The following SNRNP200 variants were observed in gnomAD, a reference collection of about 807,000 sequenced individuals.
SNRNP200 encodes small nuclear ribonucleoprotein U5 subunit 200.
A neutral mutation model predicts 255.2 loss-of-function variants in SNRNP200; 66 were observed. The observed-to-expected ratio is 0.26, with a 90% confidence interval of 0.21 to 0.32. The LOEUF (loss-of-function observed/expected upper bound fraction) is 0.32. Ranked by LOEUF, SNRNP200 falls within the 10% of genes least tolerant of loss-of-function variation. The pLI, the probability that SNRNP200 is intolerant of heterozygous loss-of-function variation, is 1.00. For synonymous variants in SNRNP200, 939 were observed against 1,027.8 expected (o/e 0.91, Z 1.65); for missense variants, 1,585 against 2,749.8 (o/e 0.58, Z 9.47).
chr2:96,296,923 T>C lies in SNRNP200; in HGVS notation c.1515+10A>G. On this transcript the variant is annotated intron_variant, in intron 12 of 44. Coordinates refer to ENST00000323853, the MANE Select transcript of SNRNP200 (RefSeq NM_014014.5). The stretch of plus-strand genomic sequence containing the variant: ...TTCTACAAGAAAACAGCAGGCAGGG[T>C]GGCGCTTACAGTAGGAGCACACAGC... 1.9e-6 allele frequency: 3 copies of C among 1,614,100 alleles called. No individual in the cohort carries two copies. Among genetic ancestry groups the C allele is most frequent in the Middle Eastern group, 1.6e-4 (1 of 6,062 alleles).
At chr2:96,296,280 C>G (rs923945767) in intron 13 of SNRNP200, among the ~76,000 whole-genome samples, 1 of 152,166 alleles carries the variant, frequency 6.6e-6, no homozygotes, top group African/African-American at 2.4e-5. Context: ...ATACGAACTG[C>G]AGAAAATTGC....
rs1360881593 is a variant in SNRNP200, at chr2:96,284,448, T to C, written c.4302A>G (p.Ile1434Met). Residue 1434 changes from isoleucine (I) to methionine (M), a missense_variant, in exon 31 of 45, where the codon ATA (isoleucine) becomes ATG (methionine). Physicochemically the swap from Ile to Met is conservative, Grantham distance 10. Coordinates refer to ENST00000323853, the MANE Select transcript of SNRNP200 (RefSeq NM_014014.5). ...TGCGCTGCTTCCATCGCCGGGAAAGTATGTCCCACTTCTCAGGGGTGCTGA... is the reference window on the plus strand; with the variant it reads ...TGCGCTGCTTCCATCGCCGGGAAAGCATGTCCCACTTCTCAGGGGTGCTGA... Reference protein sequence around the residue: ...IIISTPEKWDILSRRWKQRKN... With the variant: ...IIISTPEKWDMLSRRWKQRKN... 6.2e-7 allele frequency: 1 copy of C among 1,614,174 alleles called. No homozygotes were observed. Among genetic ancestry groups the C allele is most frequent in the South Asian group, 1.1e-5 (1 of 91,080 alleles).
chr2:96,300,455 G>C (rs62153041), intron 5 of SNRNP200, among the ~76,000 whole-genome samples: 41,219 of 152,028 alleles, frequency 0.27, 6,814 homozygotes, highest in South Asian at 0.67. Context: ...GATCCACTTG[G>C]TATATTTTAA....
intron 1 of SNRNP200, 105 bp downstream of exon 1, chr2:96,305,287 GT>G: frequency 7.0e-7 from 1 of 1,435,634 alleles, no homozygotes; most frequent in African/African-American, 1.4e-5. Flanking sequence ...TTTCCCCTTC[GT>G]TTTCGTGGCT....
rs75994060 is a variant in SNRNP200, at chr2:96,280,081, T to C, written c.5025-522A>G. Among the ~76,000 whole-genome samples the C allele has an allele frequency of 1.4e-3, 214 of 152,300 alleles. 5 individuals carry two copies. In the East Asian group the frequency reaches 0.035, roughly 25 times the overall value. On this transcript the variant is annotated intron_variant, in intron 35 of 44. Coordinates refer to ENST00000323853, the MANE Select transcript of SNRNP200 (RefSeq NM_014014.5). ...CCACCACACTTTCCAAACTTCATAG[T>C]TGTGTATTTCGTGAGTCATCAAGTC...
At chr2:96,292,576 G>A (rs1043107013) in intron 16 of SNRNP200, among the ~76,000 whole-genome samples, 7 of 152,056 alleles carry the variant, frequency 4.6e-5, no homozygotes, top group African/African-American at 1.7e-4. Context: ...ATCTTTTATG[G>A]AGGGACCCTG....
At chr2:96,275,799 G>A (rs1212385464) in intron 43 of SNRNP200, among the ~76,000 whole-genome samples, 1 of 152,214 alleles carries the variant, frequency 6.6e-6, no homozygotes, top group African/African-American at 2.4e-5. Flanking sequence ...CCAGGAGATC[G>A]AGACCATACT....
chr2:96,290,964 G>A lies in SNRNP200; in HGVS notation c.2422-149C>T. ...CCCAGTACTTGTCAATGTGACACCA[G>A]AATAAAGAGGAAAGGTTTCCTTGGG... is the stretch of plus-strand genomic sequence containing the variant. On this transcript the variant is annotated intron_variant, in intron 18 of 44. Transcript: ENST00000323853. The surrounding 1 kb of genome is among the most constrained non-coding windows in gnomAD (Gnocchi z 4.5). 2.4e-6 allele frequency: 2 copies of A among 845,294 alleles called. No individual in the cohort carries two copies. The highest frequency in any genetic ancestry group is 3.9e-6 in the Non-Finnish European group (2 of 515,342). 52.4% of individuals were successfully genotyped at this position (845,294 alleles called of 1,614,324 possible).
At chr2:96,300,245 T>C (rs913239807) in intron 5 of SNRNP200, among the ~76,000 whole-genome samples, 2 of 152,190 alleles carry the variant, frequency 1.3e-5, no homozygotes, top group African/African-American at 4.8e-5. Context: ...GGAATTCTAT[T>C]AGACAGTAAA....
Position 96,297,025 on chromosome 2 carries a change from A to C in SNRNP200, c.1423T>G (p.Phe475Val). The C allele has an allele frequency of 1.2e-6, 2 of 1,614,150 alleles. No homozygotes were observed. Among genetic ancestry groups the C allele is most frequent in the Non-Finnish European group, 1.7e-6 (2 of 1,180,014 alleles). ...EKLPKYAQAG[F>V]EGFKTLNRIQ... ...CGATTCAGTGTTTTGAAGCCCTCAA[A>C]CCCAGCCTGGGCATACTTTGGCAGC... Residue 475 changes from phenylalanine (F) to valine (V), a missense_variant, in exon 12 of 45, where the codon TTT (phenylalanine) becomes GTT (valine). Coordinates refer to ENST00000323853, the MANE Select transcript of SNRNP200 (RefSeq NM_014014.5).
chr2:96,293,257 A>T (rs1333069607), intron 15 of SNRNP200, 59 bp downstream of exon 15: 21 of 1,588,710 alleles, frequency 1.3e-5, no homozygotes, highest in Non-Finnish European at 1.8e-5. Context: ...CTCCTTGGAA[A>T]AGAGGAAAGA....
rs2063821927 is a variant in SNRNP200, at chr2:96,283,601, C to T, written c.4697G>A (p.Arg1566His). 3.7e-6 allele frequency: 6 copies of T among 1,614,048 alleles called. No individual in the cohort carries two copies. The highest frequency in any genetic ancestry group is 1.7e-5 in the Admixed American group (1 of 60,026). Residue 1566 changes from arginine (R) to histidine (H), a missense_variant, in exon 33 of 45, where the codon CGC becomes CAC. Physicochemically the swap from Arg to His is conservative, Grantham distance 29 (BLOSUM62 0). Around this residue, in one of 9 missense-constraint regions of SNRNP200, gnomAD observed 719 missense variants for 1,091.1 expected, o/e 0.66. Coordinates refer to ENST00000323853, the MANE Select transcript of SNRNP200 (RefSeq NM_014014.5). The surrounding 1 kb of genome is among the most constrained non-coding windows in gnomAD (Gnocchi z 4.7). Reference sequence around the variant, plus strand: ...AATGGCAGTGAGGCGGGTCTGCTTGCGAGACGGCACAAAGACAATGACAGG... The same window carrying T: ...AATGGCAGTGAGGCGGGTCTGCTTGTGAGACGGCACAAAGACAATGACAGG... Reference protein sequence around the residue: ...KKPVIVFVPSRKQTRLTAIDI... With the variant: ...KKPVIVFVPSHKQTRLTAIDI...
chr2:96,289,310 G>A lies in SNRNP200; in HGVS notation c.3010C>T (p.Leu1004=). 1 of 1,614,204 alleles carries A rather than the reference G, an allele frequency of 6.2e-7. No individual in the cohort carries two copies. Among genetic ancestry groups the A allele is most frequent in the African/African-American group, 1.3e-5 (1 of 75,044 alleles). ...ATCTCACTCAGGGTGGGCTTCAGCA[G>A]CTGGTTGTAAGTCTGCACTGTATCA... The part of the protein sequence containing the change: ...TNDTVQTYNQ[L]LKPTLSEIEL... The change falls in exon 22 of 45, where the codon CTG becomes TTG. Residue 1004 remains leucine, a synonymous_variant. Coordinates refer to ENST00000323853, the MANE Select transcript of SNRNP200 (RefSeq NM_014014.5).
At chr2:96,304,953 T>A in intron 1 of SNRNP200, 85 bp from the exon 2 acceptor site, 1 of 1,452,164 alleles carries the variant, frequency 6.9e-7, no homozygotes, top group Non-Finnish European at 9.5e-7. Flanking sequence ...ATGGAAAAAA[T>A]CGTAGTAACT....
At chr2:96,296,241 G>A (rs949463860) in intron 13 of SNRNP200, among the ~76,000 whole-genome samples, 3 of 152,186 alleles carry the variant, frequency 2.0e-5, no homozygotes, top group African/African-American at 7.2e-5. Context: ...TCCATTTGAT[G>A]TTTCATAAAC....
chr2:96,292,942 T>A, intron 16 of SNRNP200, 30 bp downstream of exon 16: 1 of 1,612,816 alleles, frequency 6.2e-7, no homozygotes. Flanking sequence ...AAGAATGGGG[T>A]TCAAGAGTAA....
chr2:96,305,385 A>G lies in SNRNP200; in HGVS notation c.45+8T>C, dbSNP rs757020773. 45 of 1,613,834 alleles carry G rather than the reference A, an allele frequency of 2.8e-5. No individual in the cohort carries two copies. The Admixed American group carries it at 5.7e-4, about 20-fold the overall frequency. On this transcript the variant is annotated splice_region_variant and intron_variant, in intron 1 of 44. Coordinates refer to ENST00000323853, the MANE Select transcript of SNRNP200 (RefSeq NM_014014.5). ...GAGCCTGGAATCCTTCCCCAAGACC[A>G]AACGCACCGCCTTGTACTCGTATTG...
At chr2:96,300,537 G>A (rs1398061414) in intron 5 of SNRNP200, among the ~76,000 whole-genome samples, 2 of 152,082 alleles carry the variant, frequency 1.3e-5, no homozygotes, top group Non-Finnish European at 2.9e-5. Context: ...GACGGGGGGC[G>A]GATCACCTGA....
intron 9 of SNRNP200, among the ~76,000 whole-genome samples, chr2:96,297,946 A>G (rs772178): frequency 0.28 from 41,863 of 152,120 alleles, 6,831 homozygotes; most frequent in East Asian, 0.44. Context: ...ACGTTCTATA[A>G]TTAAGTACCA....
Sources: gnomAD v4.1 joint callset for allele counts (sites outside exome capture counted in the v4.1 genomes callset) on GRCh38, gnomAD v4.1.1 for gene constraint, gnomAD v4.1.1 regional missense constraint, Gnocchi (gnomAD v3.1) non-coding constraint, MANE v1.5 for transcripts, NCBI Gene and HGNC (gene_info 2026-07-23, HGNC 2026-07-21) for gene names.